The following SUCLA2 variants were observed in gnomAD, a reference collection of about 807,000 sequenced individuals.
SUCLA2 encodes the protein succinate-CoA ligase ADP-forming subunit beta.
Under a neutral mutation model 54.8 loss-of-function variants are expected in SUCLA2, and 30 were observed. The ratio of observed to expected loss-of-function variants is 0.55; its 90% CI spans 0.41 to 0.74. SUCLA2 has a LOEUF of 0.74. Among genes scored for constraint, SUCLA2 ranks in the 30% least tolerant of loss-of-function variants. SUCLA2 has a pLI of 0.00. For synonymous variants in SUCLA2, 172 were observed against 188.9 expected (o/e 0.91, Z 0.74); for missense variants, 476 against 562.9 (o/e 0.85, Z 1.56).
At chr13:47,997,217 A>G (rs1950198428) in intron 1 of SUCLA2, among the ~76,000 whole-genome samples, 194 bp from the exon 2 acceptor site, 1 of 152,166 alleles carries the variant, frequency 6.6e-6, no homozygotes, top group African/African-American at 2.4e-5. Flanking sequence ...TGTCATTTTA[A>G]TTATTTCCTC....
chr13:47,971,125 T>TCA (rs986254912), intron 5 of SUCLA2, among the ~76,000 whole-genome samples: 1 of 151,646 alleles, frequency 6.6e-6, no homozygotes, highest in Non-Finnish European at 1.5e-5. Context: ...TTAAGGTGAG[T>TCA]CATTAGGCCA....
chr13:47,958,144 T>C (rs1387846890), intron 6 of SUCLA2, among the ~76,000 whole-genome samples: 1 of 152,154 alleles, frequency 6.6e-6, no homozygotes, highest in Non-Finnish European at 1.5e-5. Flanking sequence ...TTTGCTGATG[T>C]TTGGCCCCAG....
chr13:47,952,209 C>G (rs1041726331), intron 8 of SUCLA2, among the ~76,000 whole-genome samples: 2 of 152,124 alleles, frequency 1.3e-5, no homozygotes, highest in Non-Finnish European at 2.9e-5. Flanking sequence ...CAAAACTCTT[C>G]ACCTTGGTCC....
At chr13:47,949,938 T>C (rs1949763205) in intron 8 of SUCLA2, among the ~76,000 whole-genome samples, 1 of 152,244 alleles carries the variant, frequency 6.6e-6, no homozygotes, top group Admixed American at 6.5e-5. Context: ...TACTGTAAGA[T>C]AGTCTCATGT....
intron 2 of SUCLA2, 139 bp from the exon 3 acceptor site, chr13:47,989,120 T>C: frequency 1.2e-6 from 1 of 816,032 alleles, no homozygotes; most frequent in Non-Finnish European, 2.0e-6. Flanking sequence ...TAAGGCATTC[T>C]CTTTATGTAG....
intron 6 of SUCLA2, among the ~76,000 whole-genome samples, chr13:47,966,748 G>C (rs1321089252): frequency 3.3e-5 from 5 of 151,690 alleles, no homozygotes; most frequent in African/African-American, 1.2e-4. Flanking sequence ...GGGTGTGATG[G>C]CTCACACCTT....
intron 5 of SUCLA2, among the ~76,000 whole-genome samples, chr13:47,971,286 G>A (rs1457249761): frequency 6.6e-6 from 1 of 151,666 alleles, no homozygotes; most frequent in Non-Finnish European, 1.5e-5. Flanking sequence ...GCATGGTGGT[G>A]CATGCCTGTA....
Position 48,001,261 on chromosome 13 carries a change from G to C in SUCLA2, c.9C>G (p.Ala3=). Residue 3 remains alanine (A), a synonymous_variant, in exon 1 of 11, where the codon GCC becomes GCG. Transcript: ENST00000646932. Reference sequence around the variant, plus strand: ...CCACTAGCCTGCCGTAGAACATGGAGGCCGCCATTTCTGAGTCGGACCCCG... The same window carrying C: ...CCACTAGCCTGCCGTAGAACATGGACGCCGCCATTTCTGAGTCGGACCCCG... The part of the protein sequence containing the change: MA[A]SMFYGRLVAV... The C allele has an allele frequency of 6.2e-7, 1 of 1,602,308 alleles. No homozygotes were observed. Among genetic ancestry groups the C allele is most frequent in the Non-Finnish European group, 8.5e-7 (1 of 1,175,180 alleles).
intron 10 of SUCLA2, among the ~76,000 whole-genome samples, chr13:47,946,120 GAAC>G (rs1181468594): frequency 1.3e-5 from 2 of 152,326 alleles, no homozygotes; most frequent in Admixed American, 1.3e-4. Context: ...GGTGAGTATA[GAAC>G]AATAAGATAT....
intron 10 of SUCLA2, among the ~76,000 whole-genome samples, chr13:47,945,440 A>AAAAAAAAAC (rs1949721953): frequency 6.7e-6 from 1 of 148,692 alleles, no homozygotes. Flanking sequence ...AAAAAAAAAA[A>AAAAAAAAAC]AAAATCAAGA....
chr13:47,945,491 A>G (rs1027145890), intron 10 of SUCLA2, among the ~76,000 whole-genome samples: 6 of 150,494 alleles, frequency 4.0e-5, no homozygotes, highest in Admixed American at 4.0e-4. Context: ...AGAGTGTTCG[A>G]GTGTTCAATG....
chr13:47,994,865 T>C, intron 2 of SUCLA2: 1 of 985,322 alleles, frequency 1.0e-6, no homozygotes, highest in Non-Finnish European at 1.2e-6. Context: ...AGTTACAGTT[T>C]ATCCTGCACA....
intron 5 of SUCLA2, among the ~76,000 whole-genome samples, chr13:47,970,902 A>T (rs1040649243): frequency 6.6e-6 from 1 of 151,858 alleles, no homozygotes; most frequent in Non-Finnish European, 1.5e-5. Context: ...TCAATACCAC[A>T]AACTTATTCT....
chr13:47,995,281 T>A (rs1950182558), intron 2 of SUCLA2, among the ~76,000 whole-genome samples: 1 of 147,790 alleles, frequency 6.8e-6, no homozygotes. Context: ...CCCATTAACA[T>A]TAACCATGCA....
intron 6 of SUCLA2, among the ~76,000 whole-genome samples, chr13:47,962,968 A>C (rs968697270): frequency 3.3e-5 from 5 of 152,080 alleles, no homozygotes; most frequent in Admixed American, 6.5e-5. Flanking sequence ...CCACGTATTC[A>C]TCATGACTGC....
chr13:47,969,191 G>A (rs1369707117), intron 5 of SUCLA2, among the ~76,000 whole-genome samples: 1 of 152,180 alleles, frequency 6.6e-6, no homozygotes, highest in Non-Finnish European at 1.5e-5. Context: ...GGCCACCACA[G>A]TGAAACCCCA....
intron 4 of SUCLA2, among the ~76,000 whole-genome samples, chr13:47,976,430 A>T (rs1950013780): frequency 6.6e-6 from 1 of 152,198 alleles, no homozygotes; most frequent in African/African-American, 2.4e-5. Flanking sequence ...GGAGAGAAAG[A>T]GAAGAGTAGA....
chr13:48,001,056 C>G, intron 1 of SUCLA2, 124 bp downstream of exon 1: 1 of 1,516,936 alleles, frequency 6.6e-7, no homozygotes, highest in Non-Finnish European at 8.9e-7. Flanking sequence ...CGCCCGAGGG[C>G]CTTGCAGGGC....
intron 10 of SUCLA2, among the ~76,000 whole-genome samples, chr13:47,943,760 G>GTATATATATATATATATATATA (rs1397232676): frequency 7.7e-6 from 1 of 129,364 alleles, no homozygotes; most frequent in African/African-American, 3.1e-5. Flanking sequence ...GTGTGTGTGT[G>GTATATATATATATATATATATA]TGTGTGTATA....
Sources: gnomAD v4.1 joint callset for allele counts (sites outside exome capture counted in the v4.1 genomes callset) on GRCh38, gnomAD v4.1.1 for gene constraint, MANE v1.5 for transcripts, NCBI Gene and HGNC (gene_info 2026-07-23, HGNC 2026-07-21) for gene names.